SETMAR: variants seen among roughly 807,000 people sequenced by gnomAD.
The protein encoded by SETMAR is histone-lysine N-methyltransferase SETMAR.
In SETMAR, 44 loss-of-function variants were observed where a neutral mutation model predicts 58.4. The ratio of observed to expected loss-of-function variants is 0.75; its 90% CI spans 0.59 to 0.97. The LOEUF (loss-of-function observed/expected upper bound fraction) is 0.97. Ranked by LOEUF, SETMAR falls within the 50% of genes least tolerant of loss-of-function variation. SETMAR has a pLI of 0.00. For synonymous variants in SETMAR, 332 were observed against 307.4 expected (o/e 1.08, Z -0.84); for missense variants, 903 against 840.2 (o/e 1.07, Z -0.92).
At chr3:4,308,134 A>G (rs1257813031) in intron 1 of SETMAR, among the ~76,000 whole-genome samples, 2 of 152,254 alleles carry the variant, frequency 1.3e-5, no homozygotes, top group African/African-American at 4.8e-5. Context: ...AACTGAAAGA[A>G]GTCTAGTCTG....
rs1463554422 is a variant in SETMAR, at chr3:4,316,014, T to C, written c.1021-198T>C. ...GTGAGCCAAGACTGTACCACTGCAC[T>C]CCAGCTTGGGTGACAGAGCGAGACT... On this transcript the variant is annotated intron_variant, in intron 2 of 2. Transcript: ENST00000358065. Among the ~76,000 whole-genome samples, 5 of 134,426 alleles carry C rather than the reference T, an allele frequency of 3.7e-5. No homozygotes were observed. The East Asian group carries it at 1.1e-3, about 29-fold the overall frequency. The allele number at this position is 134,426 out of a possible 152,430, so 88.2% of individuals were successfully genotyped here. A position where few individuals can be genotyped will look rare whatever the true frequency, so the allele number is the denominator to read the frequency against.
In SETMAR at chr3:4,313,610, G is replaced by T; in HGVS notation, c.869G>T (p.Gly290Val). The change falls in exon 2 of 3, where the codon GGT becomes GTT. Residue 290 changes from glycine to valine, a missense_variant. Physicochemically the swap from Gly to Val is moderately radical, Grantham distance 109. Coordinates refer to ENST00000358065, the MANE Select transcript of SETMAR (RefSeq NM_006515.4). ...HGKLRKPCYCGAKSCTAFLPF... is the reference protein window; with the variant it reads ...HGKLRKPCYCVAKSCTAFLPF... ...AAACTAAGGAAACCTTGTTACTGTG[G>T]TGCCAAATCATGTACTGCTTTCCTG... 1 of 1,614,098 alleles carries T rather than the reference G, an allele frequency of 6.2e-7. No individual in the cohort carries two copies. Among genetic ancestry groups the T allele is most frequent in the Non-Finnish European group, 8.5e-7 (1 of 1,179,982 alleles).
At position 4,313,436 on chromosome 3, in the gene SETMAR, T is replaced by G; in HGVS notation, c.695T>G (p.Met232Arg). 6.2e-7 allele frequency: 1 copy of G among 1,614,076 alleles called. No homozygotes were observed. The highest frequency in any genetic ancestry group is 1.7e-5 in the Admixed American group (1 of 59,990). The change falls in exon 2 of 3, where the codon ATG becomes AGG. Residue 232 changes from methionine (M) to arginine (R), a missense_variant. Physicochemically the swap from Met to Arg is moderately conservative, Grantham distance 91. Coordinates refer to ENST00000358065, the MANE Select transcript of SETMAR (RefSeq NM_006515.4). ...CATTCTTGTGAGCCAAACCTTTTGATGATTCCTGTCCGAATTGACTCAATG... is the reference window on the plus strand; with the variant it reads ...CATTCTTGTGAGCCAAACCTTTTGAGGATTCCTGTCCGAATTGACTCAATG... ...LNHSCEPNLL[M>R]IPVRIDSMVP... is the part of the protein sequence containing the mutation.
chr3:4,303,657 C>G (rs201472604), intron 1 of SETMAR, 131 bp downstream of exon 1: 177 of 1,441,306 alleles, frequency 1.2e-4, no homozygotes, highest in Non-Finnish European at 1.5e-4. Flanking sequence ...CGTTGGTGCG[C>G]GGGAATAGGT....
At chr3:4,311,027 T>C (rs1215469640) in intron 1 of SETMAR, among the ~76,000 whole-genome samples, 1 of 152,212 alleles carries the variant, frequency 6.6e-6, no homozygotes, top group Non-Finnish European at 1.5e-5. Context: ...ACCTATCCTT[T>C]ATCCATTTAG....
chr3:4,313,923 A>G, intron 2 of SETMAR, 162 bp downstream of exon 2: 29 of 1,301,774 alleles, frequency 2.2e-5, no homozygotes, highest in Non-Finnish European at 2.9e-5. Context: ...AGAATTCTCC[A>G]TTTAACAAAA....
At chr3:4,306,143 C>T (rs1053141486) in intron 1 of SETMAR, among the ~76,000 whole-genome samples, 3 of 152,056 alleles carry the variant, frequency 2.0e-5, no homozygotes, top group South Asian at 2.1e-4. Flanking sequence ...TCCTGCCGTG[C>T]GTGTGTGTGT....
At chr3:4,305,326 T>G (rs1698147697) in intron 1 of SETMAR, among the ~76,000 whole-genome samples, 1 of 152,140 alleles carries the variant, frequency 6.6e-6, no homozygotes, top group Non-Finnish European at 1.5e-5. Flanking sequence ...CCTCAAGTGA[T>G]CCACCCACCT....
intron 1 of SETMAR, among the ~76,000 whole-genome samples, chr3:4,306,117 C>G (rs943219770): frequency 6.6e-5 from 10 of 152,140 alleles, no homozygotes; most frequent in Non-Finnish European, 1.3e-4. Flanking sequence ...ACAACTGTCA[C>G]GATTAGCTTC....
rs770155094 is a variant in SETMAR, at chr3:4,317,164, C to T, written c.1973C>T (p.Thr658Met). ...CAAGAGTTCGTCGAATCCCAAAGCACGGATTTTTACGCTACAGGAATAAAC... is the reference window on the plus strand; with the variant it reads ...CAAGAGTTCGTCGAATCCCAAAGCATGGATTTTTACGCTACAGGAATAAAC... ...AFQEFVESQS[T>M]DFYATGINQL... Residue 658 changes from threonine to methionine, a missense_variant, in exon 3 of 3, where the codon ACG (threonine) becomes ATG (methionine). Transcript: ENST00000358065. 1.8e-5 allele frequency: 28 copies of T among 1,549,442 alleles called. No homozygotes were observed. The highest frequency in any genetic ancestry group is 1.5e-4 in the African/African-American group (11 of 72,924).
intron 2 of SETMAR, 73 bp from the exon 3 acceptor site, chr3:4,316,139 A>G (rs1698633752): frequency 1.6e-6 from 1 of 612,412 alleles, no homozygotes; most frequent in African/African-American, 1.8e-5. Flanking sequence ...GTCATGTTAT[A>G]CACCATTTTA....
intron 1 of SETMAR, among the ~76,000 whole-genome samples, chr3:4,308,818 T>A (rs952497157): frequency 3.3e-5 from 5 of 152,148 alleles, no homozygotes; most frequent in African/African-American, 9.7e-5. Context: ...CATTTACGCC[T>A]TTGACTTGTC....
At chr3:4,304,060 A>G (rs1698074516) in intron 1 of SETMAR, 4 of 205,200 alleles carry the variant, frequency 1.9e-5, no homozygotes, top group Admixed American at 1.9e-4. Context: ...TGCTTTGAAA[A>G]TGGCAAGGAA....
intron 1 of SETMAR, among the ~76,000 whole-genome samples, chr3:4,308,026 T>TAA (rs569000119): frequency 2.0e-5 from 3 of 147,222 alleles, no homozygotes; most frequent in South Asian, 2.1e-4. Flanking sequence ...AGCAACGTCT[T>TAA]AAAAAAAAAA....
In SETMAR at chr3:4,316,984, C is replaced by T. The variant is rs1575090997; in HGVS notation, c.1793C>T (p.Thr598Ile). 1.9e-6 allele frequency: 3 copies of T among 1,549,332 alleles called. No individual in the cohort carries two copies. Among genetic ancestry groups the T allele is most frequent in the Non-Finnish European group, 2.6e-6 (3 of 1,146,762 alleles). Residue 598 changes from threonine to isoleucine, a missense_variant, in exon 3 of 3, where the codon ACA (threonine) becomes ATA (isoleucine). Coordinates refer to ENST00000358065, the MANE Select transcript of SETMAR (RefSeq NM_006515.4). Reference sequence around the variant, plus strand: ...GCCCGACCGCATGTTGCACAACCCACACTTCAAAAGTTGAATGAATTGGGC... The same window carrying T: ...GCCCGACCGCATGTTGCACAACCCATACTTCAAAAGTTGAATGAATTGGGC... The part of the protein sequence containing the change: ...DNARPHVAQP[T>I]LQKLNELGYE...
intron 1 of SETMAR, among the ~76,000 whole-genome samples, 179 bp from the exon 2 acceptor site, chr3:4,312,719 A>AAC (rs1161062622): frequency 6.6e-6 from 1 of 151,432 alleles, no homozygotes; most frequent in Non-Finnish European, 1.5e-5. Context: ...AAAAAAAAAA[A>AAC]AACTTGTTTT....
chr3:4,313,364 C>T lies in SETMAR; in HGVS notation c.623C>T (p.Thr208Ile). ...EHVYNGQVMETFVDPTYIGNI... is the reference protein window; with the variant it reads ...EHVYNGQVMEIFVDPTYIGNI... ...GTTTATAATGGGCAGGTAATGGAAA[C>T]ATTTGTTGACCCTACTTATATAGGA... Residue 208 changes from threonine to isoleucine, a missense_variant, in exon 2 of 3, where the codon ACA (threonine) becomes ATA (isoleucine). Physicochemically the swap from Thr to Ile is moderately conservative, Grantham distance 89. Coordinates refer to ENST00000358065, the MANE Select transcript of SETMAR (RefSeq NM_006515.4). 6.2e-7 allele frequency: 1 copy of T among 1,613,964 alleles called. No homozygotes were observed. Among genetic ancestry groups the T allele is most frequent in the East Asian group, 2.2e-5 (1 of 44,882 alleles).
intron 1 of SETMAR, among the ~76,000 whole-genome samples, chr3:4,304,479 G>C (rs537687771): frequency 6.6e-6 from 1 of 152,298 alleles, no homozygotes; most frequent in African/African-American, 2.4e-5. Context: ...TGGCCTGAGC[G>C]TTACCCAAGG....
chr3:4,315,207 C>T (rs1214806396), intron 2 of SETMAR, among the ~76,000 whole-genome samples: 1 of 152,194 alleles, frequency 6.6e-6, no homozygotes, highest in African/African-American at 2.4e-5. Flanking sequence ...GCCTCTGAAG[C>T]AGTCCTGCTT....
Sources: gnomAD v4.1 joint callset for allele counts (sites outside exome capture counted in the v4.1 genomes callset) on GRCh38, gnomAD v4.1.1 for gene constraint, MANE v1.5 for transcripts, NCBI Gene and HGNC (gene_info 2026-07-23, HGNC 2026-07-21) for gene names.